Variants in TSHR observed in about 807,000 individuals in gnomAD.
TSHR encodes thyrotropin receptor.
TSHR carries 51 observed loss-of-function variants against 64.1 expected under a neutral mutation model. The observed-to-expected ratio is 0.80, with a 90% CI of 0.64 to 1.01. The LOEUF is 1.01. Ranked by LOEUF, TSHR falls within the 50% of genes least tolerant of loss-of-function variation. TSHR has a pLI of 0.00. For synonymous variants in TSHR, 361 were observed against 361.9 expected, an observed-to-expected ratio of 1.00 and a Z score of 0.03; for missense variants, 877 against 942.8, an observed-to-expected ratio of 0.93 and a Z score of 0.91.
chr14:81,142,881 A>C (rs1043877302), intron 9 of TSHR, 59 bp from the exon 10 acceptor site: 2 of 1,512,780 alleles, frequency 1.3e-6, no homozygotes, highest in Non-Finnish European at 1.8e-6. Flanking sequence ...AAGTGCTGGG[A>C]TTACAGTCAT....
At chr14:81,080,863 C>G (rs1007916207) in intron 3 of TSHR, among the ~76,000 whole-genome samples, 3 of 152,108 alleles carry the variant, frequency 2.0e-5, no homozygotes, top group African/African-American at 7.2e-5. Context: ...AGACTTTTAA[C>G]TTTTGACCCA....
intron 1 of TSHR, among the ~76,000 whole-genome samples, chr14:80,997,395 T>TA (rs1202078058): frequency 1.4e-4 from 21 of 152,178 alleles, no homozygotes; most frequent in Admixed American, 1.3e-3. Context: ...CTCCTATTTT[T>TA]AAAAAACAAG....
intron 1 of TSHR, among the ~76,000 whole-genome samples, chr14:80,974,767 G>T (rs1018302718): frequency 6.6e-6 from 1 of 152,150 alleles, no homozygotes; most frequent in African/African-American, 2.4e-5. Flanking sequence ...GAGGGATTGT[G>T]CTTTCTTTTT....
chr14:81,002,095 T>C (rs954148196), intron 1 of TSHR, among the ~76,000 whole-genome samples: 2 of 152,146 alleles, frequency 1.3e-5, no homozygotes, highest in Non-Finnish European at 2.9e-5. Context: ...TACTCACATA[T>C]TTACTATAAA....
chr14:81,121,111 C>T (rs565889536), intron 8 of TSHR, among the ~76,000 whole-genome samples: 2 of 151,840 alleles, frequency 1.3e-5, no homozygotes, highest in Admixed American at 6.5e-5. Context: ...AATAGTGTAG[C>T]AGATTTCCCA....
chr14:81,039,351 A>G (rs1028040225), intron 1 of TSHR, among the ~76,000 whole-genome samples: 12 of 152,018 alleles, frequency 7.9e-5, no homozygotes, highest in African/African-American at 2.9e-4. Context: ...AACATGATAA[A>G]GGCCAAATAT....
intron 1 of TSHR, among the ~76,000 whole-genome samples, chr14:81,015,355 A>G (rs1189017874): frequency 6.6e-6 from 1 of 152,166 alleles, no homozygotes; most frequent in Non-Finnish European, 1.5e-5. Context: ...ATTACTGTCC[A>G]CTTAACATTT....
intron 1 of TSHR, among the ~76,000 whole-genome samples, chr14:81,020,859 C>T (rs578151335): frequency 6.6e-6 from 1 of 152,254 alleles, no homozygotes; most frequent in African/African-American, 2.4e-5. Context: ...GCTACAAAAG[C>T]TCTGAAAAGC....
At chr14:80,987,581 A>G (rs1332184821) in intron 1 of TSHR, among the ~76,000 whole-genome samples, 1 of 152,192 alleles carries the variant, frequency 6.6e-6, no homozygotes, top group Non-Finnish European at 1.5e-5. Flanking sequence ...GGATTTCTCC[A>G]TCAGGTCACG....
At chr14:81,089,562 C>T (rs1006399224) in intron 4 of TSHR, among the ~76,000 whole-genome samples, 2 of 152,108 alleles carry the variant, frequency 1.3e-5, no homozygotes, top group Non-Finnish European at 2.9e-5. Flanking sequence ...AAGTGCCTCT[C>T]CTACAGAAGA....
At chr14:81,135,805 G>C (rs866179772) in intron 8 of TSHR, among the ~76,000 whole-genome samples, 1 of 152,182 alleles carries the variant, frequency 6.6e-6, no homozygotes, top group Non-Finnish European at 1.5e-5. Context: ...GTACAGAGGA[G>C]CTCCTACCTT....
intron 8 of TSHR, among the ~76,000 whole-genome samples, chr14:81,122,639 A>G (rs187742508): frequency 6.6e-6 from 1 of 152,138 alleles, no homozygotes; most frequent in Non-Finnish European, 1.5e-5. Context: ...CTCATCTTCT[A>G]TAGTAGAGAG....
intron 8 of TSHR, among the ~76,000 whole-genome samples, chr14:81,139,073 T>G (rs1891573332): frequency 6.6e-6 from 1 of 152,226 alleles, no homozygotes; most frequent in African/African-American, 2.4e-5. Flanking sequence ...ATTGTTAATA[T>G]CAACACTTGA....
At chr14:81,054,756 A>G (rs574208497) in intron 1 of TSHR, among the ~76,000 whole-genome samples, 1 of 152,294 alleles carries the variant, frequency 6.6e-6, no homozygotes, top group South Asian at 2.1e-4. Flanking sequence ...TATCTGGTGG[A>G]AGAAATTTCT....
chr14:81,139,600 T>G lies in TSHR; in HGVS notation c.693-79T>G, dbSNP rs1891595812. 5 of 1,455,716 alleles carry G rather than the reference T, an allele frequency of 3.4e-6. No homozygotes were observed. In the South Asian group the frequency reaches 5.7e-5, roughly 17 times the overall value. The allele number at this position is 1,455,716 out of a possible 1,614,324, so 90.2% of individuals were successfully genotyped here. ...ATCATCTCCCAATTAACCTCAGGCC[T>G]GTTTGAGTTTCTGGCCAAGGCTGAG... On this transcript the variant is annotated intron_variant, in intron 8 of 9. Coordinates refer to ENST00000298171, the MANE Select transcript of TSHR (RefSeq NM_000369.5).
intron 7 of TSHR, chr14:81,102,999 C>T (rs1889682553): frequency 1.0e-6 from 1 of 985,172 alleles, no homozygotes; most frequent in African/African-American, 1.7e-5. Flanking sequence ...ATCATTCTAC[C>T]CTAAGTTTCT....
intron 8 of TSHR, among the ~76,000 whole-genome samples, chr14:81,128,055 T>C (rs887357200): frequency 3.3e-5 from 5 of 152,172 alleles, no homozygotes; most frequent in Non-Finnish European, 7.3e-5. Context: ...ATTTCATAGA[T>C]CATGGAAAGT....
intron 8 of TSHR, among the ~76,000 whole-genome samples, chr14:81,129,504 T>G (rs1443193889): frequency 6.6e-6 from 1 of 152,120 alleles, no homozygotes; most frequent in African/African-American, 2.4e-5. Context: ...TAGCAAGTGA[T>G]TTCACCTTAA....
intron 1 of TSHR, among the ~76,000 whole-genome samples, chr14:80,980,140 C>T (rs559420090): frequency 5.9e-5 from 9 of 152,286 alleles, no homozygotes; most frequent in African/African-American, 9.6e-5. Context: ...TCAGCCACTT[C>T]GAACTATTTT....
Sources: gnomAD v4.1 joint callset for allele counts (sites outside exome capture counted in the v4.1 genomes callset) on GRCh38, gnomAD v4.1.1 for gene constraint, MANE v1.5 for transcripts, NCBI Gene and HGNC (gene_info 2026-07-23, HGNC 2026-07-21) for gene names.